NFIB: variants seen among roughly 807,000 people sequenced by gnomAD.
NFIB encodes nuclear factor I B.
NFIB carries 11 observed loss-of-function variants against 61.5 expected under a neutral mutation model. The observed-to-expected ratio is 0.18, with a 90% CI of 0.11 to 0.30. The LOEUF is 0.30. Among genes scored for constraint, NFIB ranks in the 10% least tolerant of loss-of-function variants. The pLI is 1.00. For synonymous variants in NFIB, 260 were observed against 216.5 expected (o/e 1.20, Z -1.76); for missense variants, 471 against 608.9 (o/e 0.77, Z 2.38).
intron 2 of NFIB, among the ~76,000 whole-genome samples, chr9:14,185,627 A>G (rs1587417308): frequency 6.6e-6 from 1 of 152,310 alleles, no homozygotes; most frequent in East Asian, 1.9e-4. Flanking sequence ...GGCCTGGCAC[A>G]TTTGGTTAAG....
intron 2 of NFIB, among the ~76,000 whole-genome samples, chr9:14,294,683 T>C (rs1316147196): frequency 6.6e-6 from 1 of 152,228 alleles, no homozygotes; most frequent in Non-Finnish European, 1.5e-5. Flanking sequence ...TACACCCTAG[T>C]TACCCTTTAA....
chr9:14,129,935 A>T (rs2040203816), intron 6 of NFIB, among the ~76,000 whole-genome samples: 1 of 152,252 alleles, frequency 6.6e-6, no homozygotes, highest in Admixed American at 6.5e-5. Context: ...GGGAGGCAGG[A>T]GTTGCTGGTA....
chr9:14,323,190 C>T (rs377123366), intron 1 of NFIB, among the ~76,000 whole-genome samples: 1 of 152,086 alleles, frequency 6.6e-6, no homozygotes, highest in South Asian at 2.1e-4. Context: ...GATAGGTAGT[C>T]ACGCGAATAT....
intron 10 of NFIB, chr9:14,094,239 C>G (rs1344070155): frequency 2.0e-5 from 3 of 152,080 alleles, no homozygotes; most frequent in Non-Finnish European, 2.9e-5. Context: ...TATATTATCA[C>G]TGAATTATGC....
the NFIB span, among the ~76,000 whole-genome samples, chr9:14,530,615 G>A: frequency 6.6e-6 from 1 of 152,106 alleles, no homozygotes; most frequent in African/African-American, 2.4e-5. Flanking sequence ...GAGACGCCTA[G>A]GATCAACAGC....
chr9:14,242,586 T>C (rs1368732458), intron 2 of NFIB, among the ~76,000 whole-genome samples: 1 of 152,224 alleles, frequency 6.6e-6, no homozygotes, highest in African/African-American at 2.4e-5. Context: ...CAGGCCTTTT[T>C]GTGCTAGGAA....
chr9:14,313,443 GC>G lies in NFIB; in HGVS notation c.30+38del. 6.2e-7 allele frequency: 1 copy of G among 1,613,270 alleles called. No individual in the cohort carries two copies. The highest frequency in any genetic ancestry group is 8.5e-7 in the Non-Finnish European group (1 of 1,179,560). On this transcript the variant is annotated intron_variant, in intron 1 of 10. Transcript: ENST00000380953. This position sits in a 1 kb window ranked among gnomAD's most constrained non-coding sequence, Gnocchi z 4.5. ...ACAAAACAAAACAAAGGCATTTCGG[GC>G]CAGAGAGAAAGCTCGAGAAAGCGAC... is the stretch of plus-strand genomic sequence containing the variant.
intron 1 of NFIB, chr9:14,362,407 T>C (rs1429612071): frequency 6.6e-6 from 1 of 152,222 alleles, no homozygotes; most frequent in Non-Finnish European, 1.5e-5. Context: ...CAAATAGAGC[T>C]TCTCCAGAGC....
At chr9:14,440,299 T>C in the NFIB span, among the ~76,000 whole-genome samples, 1 of 152,166 alleles carries the variant, frequency 6.6e-6, no homozygotes, top group Admixed American at 6.5e-5. Flanking sequence ...AATATTGAAT[T>C]GGCCTGGGTG....
chr9:14,188,212 T>A (rs1421462797), intron 2 of NFIB, among the ~76,000 whole-genome samples: 1 of 152,204 alleles, frequency 6.6e-6, no homozygotes, highest in African/African-American at 2.4e-5. Context: ...GCATAATATG[T>A]TTTTGATTTG....
At chr9:14,177,363 T>C (rs904386843) in intron 3 of NFIB, among the ~76,000 whole-genome samples, 1 of 151,396 alleles carries the variant, frequency 6.6e-6, no homozygotes, top group African/African-American at 2.4e-5. Flanking sequence ...GTTCTAGTTG[T>C]TCACATTTAA....
the NFIB span, among the ~76,000 whole-genome samples, chr9:14,514,615 T>C: frequency 6.6e-6 from 1 of 152,240 alleles, no homozygotes; most frequent in Non-Finnish European, 1.5e-5. Flanking sequence ...CTGAAGGAGA[T>C]GTGGGTCAAT....
chr9:14,350,013 T>G lies in NFIB; in HGVS notation c.109-42493A>C, dbSNP rs550876029. Among the ~76,000 whole-genome samples, 4 of 152,212 alleles carry G rather than the reference T, an allele frequency of 2.6e-5. No homozygotes were observed. The East Asian group carries it at 7.8e-4, about 29-fold the overall frequency. Reference sequence around the variant, plus strand: ...ATGATCTCTCCCTGCCTGGAAAAACTCGTGCAAACTTGCCCTTCACCAGGC... The same window carrying G: ...ATGATCTCTCCCTGCCTGGAAAAACGCGTGCAAACTTGCCCTTCACCAGGC... On this transcript the variant is annotated intron_variant, in intron 1 of 8. Transcript: ENST00000380934.
At chr9:14,494,853 C>G in the NFIB span, among the ~76,000 whole-genome samples, 121 of 152,282 alleles carry the variant, frequency 7.9e-4, no homozygotes, top group African/African-American at 2.8e-3. Flanking sequence ...CAAACACCAT[C>G]CACTCCGGGC....
chr9:14,182,746 G>GTGTGTT (rs2046944759), intron 2 of NFIB, among the ~76,000 whole-genome samples: 5 of 149,640 alleles, frequency 3.3e-5, no homozygotes, highest in Admixed American at 2.0e-4. Context: ...GTGTGTGTGT[G>GTGTGTT]TGTGTGTGTG....
At chr9:14,428,615 A>G in the NFIB span, among the ~76,000 whole-genome samples, 1 of 152,258 alleles carries the variant, frequency 6.6e-6, no homozygotes, top group African/African-American at 2.4e-5. Flanking sequence ...AAATTGCTCC[A>G]GCCTCTACAG....
In NFIB at chr9:14,116,168, T is replaced by C. The variant is rs756814933; in HGVS notation, c.1384+40A>G. 9 of 1,457,680 alleles carry C rather than the reference T, an allele frequency of 6.2e-6. No homozygotes were observed. In the South Asian group the frequency reaches 8.6e-5, roughly 14 times the overall value. The allele number at this position is 1,457,680 out of a possible 1,614,324, so 90.3% of individuals were successfully genotyped here. On this transcript the variant is annotated intron_variant, in intron 9 of 10. Coordinates refer to ENST00000380953, the MANE Select transcript of NFIB (RefSeq NM_001190737.2). Reference sequence around the variant, plus strand: ...TCTGATGGACATTTCTCATTTCCTATGGAAATACTTACTGGTTGCTGTAGG... The same window carrying C: ...TCTGATGGACATTTCTCATTTCCTACGGAAATACTTACTGGTTGCTGTAGG...
chr9:14,228,421 C>T (rs891684777), intron 2 of NFIB, among the ~76,000 whole-genome samples: 2 of 152,110 alleles, frequency 1.3e-5, no homozygotes, highest in African/African-American at 4.8e-5. Flanking sequence ...GTCTCGAACT[C>T]CTGACCTCAG....
At chr9:14,475,797 A>G in the NFIB span, among the ~76,000 whole-genome samples, 4 of 152,136 alleles carry the variant, frequency 2.6e-5, no homozygotes, top group Admixed American at 6.5e-5. Context: ...AATTTCTCAC[A>G]AAATTTATGG....
Sources: allele counts gnomAD v4.1 joint callset (sites outside exome capture counted in the v4.1 genomes callset), GRCh38; gene constraint gnomAD v4.1.1; non-coding constraint Gnocchi (gnomAD v3.1); transcripts MANE v1.5; gene names NCBI Gene and HGNC (gene_info 2026-07-23, HGNC 2026-07-21).